OSMR: variants seen among roughly 807,000 people sequenced by gnomAD.
The protein encoded by OSMR is oncostatin-M-specific receptor subunit beta.
In OSMR, 81 loss-of-function variants were observed where a neutral mutation model predicts 99.9. That is an observed-to-expected ratio of 0.81 (90% confidence interval 0.68 to 0.97). The LOEUF is 0.97. OSMR is among the 50% of genes least tolerant of loss of function. OSMR has a pLI of 0.00. For synonymous variants in OSMR, 406 were observed against 410.4 expected, an observed-to-expected ratio of 0.99 and a Z score of 0.13; for missense variants, 1,099 against 1,153.4, an observed-to-expected ratio of 0.95 and a Z score of 0.68.
intron 7 of OSMR, among the ~76,000 whole-genome samples, chr5:38,895,710 T>C (rs553380091): frequency 1.3e-5 from 2 of 152,198 alleles, no homozygotes; most frequent in East Asian, 3.9e-4. Context: ...ACTCAAGAAA[T>C]TTTACTTGCA....
At chr5:38,919,397 G>A in intron 11 of OSMR, 1 of 1,289,068 alleles carries the variant, frequency 7.8e-7, no homozygotes. Flanking sequence ...TGATCTTTGT[G>A]GCTTGTGAAA....
chr5:38,894,773 A>C (rs564278266), intron 7 of OSMR, among the ~76,000 whole-genome samples: 6 of 152,212 alleles, frequency 3.9e-5, no homozygotes, highest in African/African-American at 1.4e-4. Flanking sequence ...GGGGACTTCA[A>C]CACCACACTG....
Position 38,876,392 on chromosome 5 carries a change from T to C in OSMR, c.246+19T>C, listed in dbSNP as rs1247187716. ...CTGGGTGGTAAGTAATTTTTTTGGC[T>C]CAATATTTAAAAAATCATCTTTAAA... On this transcript the variant is annotated intron_variant, in intron 3 of 17. Coordinates refer to ENST00000274276, the MANE Select transcript of OSMR (RefSeq NM_003999.3). 1 of 1,600,768 alleles carries C rather than the reference T, an allele frequency of 6.2e-7. No individual in the cohort carries two copies. The highest frequency in any genetic ancestry group is 8.6e-7 in the Non-Finnish European group (1 of 1,169,144).
intron 16 of OSMR, 127 bp downstream of exon 16, chr5:38,932,091 G>T (rs1214483661): frequency 2.5e-6 from 2 of 785,918 alleles, no homozygotes; most frequent in South Asian, 1.5e-5. Flanking sequence ...AACAAAGGAG[G>T]CTGGGGTGAG....
chr5:38,899,408 A>G (rs1164104488), intron 7 of OSMR, among the ~76,000 whole-genome samples: 1 of 152,114 alleles, frequency 6.6e-6, no homozygotes, highest in Non-Finnish European at 1.5e-5. Flanking sequence ...CCAAGAGCCC[A>G]CTTGTGCTCT....
At chr5:38,886,420 A>C in intron 7 of OSMR, 1 of 1,209,580 alleles carries the variant, frequency 8.3e-7, no homozygotes. Flanking sequence ...ACCCAACTTC[A>C]AAACTAGGAC....
intron 9 of OSMR, among the ~76,000 whole-genome samples, chr5:38,915,878 A>G (rs1399537767): frequency 1.3e-5 from 2 of 152,150 alleles, no homozygotes; most frequent in Non-Finnish European, 2.9e-5. Flanking sequence ...TGCTGTTAGG[A>G]CTCAGTTGCA....
chr5:38,933,005 A>C lies in OSMR; in HGVS notation c.2501A>C (p.Lys834Thr). ...TCACTCACAGAAACCGAGTTGACTA[A>C]GCCTAACTACCTTTATCTCCTTCCA... ...RKSLTETELT[K>T]PNYLYLLPTE... The change falls in exon 18 of 18, where the codon AAG becomes ACG. Residue 834 changes from lysine to threonine, a missense_variant. Coordinates refer to ENST00000274276, the MANE Select transcript of OSMR (RefSeq NM_003999.3). 2 of 1,614,180 alleles carry C rather than the reference A, an allele frequency of 1.2e-6. No homozygotes were observed. Among genetic ancestry groups the C allele is most frequent in the Non-Finnish European group, 1.7e-6 (2 of 1,180,014 alleles).
rs1446499567 is a variant in OSMR at position 38,933,550 on chromosome 5, A to G, written c.*106A>G. 14 of 1,290,412 alleles carry G rather than the reference A, an allele frequency of 1.1e-5. No individual in the cohort carries two copies. Among genetic ancestry groups the G allele is most frequent in the African/African-American group, 1.5e-5 (1 of 68,846 alleles). The allele number at this position is 1,290,412 out of a possible 1,614,324, so 79.9% of individuals were successfully genotyped here. ...GGTCCTTAATCCCAGTACGATTTGC[A>G]GGTCTGGTTTATATAAGACCACTAC... On this transcript the variant is annotated 3_prime_UTR_variant, in exon 18 of 18. Transcript: ENST00000274276.
intron 1 of OSMR, among the ~76,000 whole-genome samples, chr5:38,862,307 TC>T (rs1176796996): frequency 1.1e-5 from 1 of 90,860 alleles, no homozygotes; most frequent in Non-Finnish European, 2.2e-5. Context: ...CCCCCCCACC[TC>T]CCTCCCGGAC....
At chr5:38,925,018 C>T (rs595751) in intron 14 of OSMR, 186 bp from the exon 15 acceptor site, 1 of 949,848 alleles carries the variant, frequency 1.1e-6, no homozygotes, top group African/African-American at 1.8e-5. Flanking sequence ...TTTGTGCCAT[C>T]TCCTGACCAT....
intron 7 of OSMR, among the ~76,000 whole-genome samples, chr5:38,902,929 A>G (rs1744988599): frequency 6.6e-6 from 1 of 152,072 alleles, no homozygotes; most frequent in Non-Finnish European, 1.5e-5. Context: ...CAATCCATGC[A>G]GCCACCTCAC....
At chr5:38,853,263 A>C (rs1387842239) in intron 1 of OSMR, among the ~76,000 whole-genome samples, 1 of 152,206 alleles carries the variant, frequency 6.6e-6, no homozygotes, top group African/African-American at 2.4e-5. Context: ...GAAGGAAATG[A>C]GGCAATAGAC....
At chr5:38,867,631 G>A (rs961427308) in intron 1 of OSMR, among the ~76,000 whole-genome samples, 3 of 152,276 alleles carry the variant, frequency 2.0e-5, no homozygotes, top group Admixed American at 6.5e-5. Flanking sequence ...GATTTTTCCC[G>A]TGGTCAAAGT....
At chr5:38,871,789 A>G (rs1218874546) in intron 2 of OSMR, among the ~76,000 whole-genome samples, 1 of 152,252 alleles carries the variant, frequency 6.6e-6, no homozygotes, top group Non-Finnish European at 1.5e-5. Flanking sequence ...AACAATTACT[A>G]CAACATATGA....
At chr5:38,861,926 AC>A (rs1184406238) in intron 1 of OSMR, among the ~76,000 whole-genome samples, 3 of 76,852 alleles carry the variant, frequency 3.9e-5, no homozygotes, top group African/African-American at 1.0e-4. Flanking sequence ...CGGGGGGCTG[AC>A]CCCCCCACCT....
intron 14 of OSMR, among the ~76,000 whole-genome samples, chr5:38,924,863 T>C (rs1237234592): frequency 6.8e-6 from 1 of 147,458 alleles, no homozygotes; most frequent in Non-Finnish European, 1.5e-5. Context: ...GCCTGGCCTT[T>C]ATGAAACTTT....
At chr5:38,872,783 T>G (rs975225047) in intron 2 of OSMR, among the ~76,000 whole-genome samples, 1 of 151,984 alleles carries the variant, frequency 6.6e-6, no homozygotes, top group Non-Finnish European at 1.5e-5. Flanking sequence ...TTAAAAAAAA[T>G]GTCCTTTAAA....
intron 7 of OSMR, among the ~76,000 whole-genome samples, chr5:38,895,924 A>G (rs1275232543): frequency 1.3e-5 from 2 of 151,792 alleles, no homozygotes; most frequent in Non-Finnish European, 2.9e-5. Flanking sequence ...TCCCCAGTGT[A>G]TGTGTTTTGG....
Sources: allele counts gnomAD v4.1 joint callset (sites outside exome capture counted in the v4.1 genomes callset), GRCh38; gene constraint gnomAD v4.1.1; transcripts MANE v1.5; gene names NCBI Gene and HGNC (gene_info 2026-07-23, HGNC 2026-07-21).